ABLIM2: variants seen among roughly 807,000 people sequenced by gnomAD.
ABLIM2 encodes the protein actin-binding LIM protein 2.
Under a neutral mutation model 97.7 loss-of-function variants are expected in ABLIM2, and 53 were observed. That is an observed-to-expected ratio of 0.54 (90% CI 0.44 to 0.68). ABLIM2 has a LOEUF of 0.68. ABLIM2 is among the 30% of genes least tolerant of loss of function. The probability of loss-of-function intolerance (pLI) is 0.00; values close to 1 mark genes in which losing one functional copy is unlikely to be tolerated. For missense variants in ABLIM2, 835 were observed against 867.2 expected, an observed-to-expected ratio of 0.96 and a Z score of 0.47; for synonymous variants, 361 against 345.8, an observed-to-expected ratio of 1.04 and a Z score of -0.49.
chr4:8,091,458 AT>A (rs1350507261), intron 3 of ABLIM2, among the ~76,000 whole-genome samples: 4 of 58,932 alleles, frequency 6.8e-5, no homozygotes, highest in African/African-American at 1.3e-4. Flanking sequence ...ATATATAATT[AT>A]ATAATTATAT....
chr4:8,091,421 T>C lies in ABLIM2; in HGVS notation c.339-3137A>G, dbSNP rs1358557952. 1.6e-3 allele frequency among the ~76,000 whole-genome samples: 75 copies of C among 47,448 alleles called. 4 individuals are homozygous for C. Among genetic ancestry groups the C allele is most frequent in the African/African-American group, 5.0e-3 (71 of 14,072 alleles). The allele number at this position is 47,448 out of a possible 152,430, so 31.1% of individuals were successfully genotyped here. A position where few individuals can be genotyped will look rare whatever the true frequency, so the allele number is the denominator to read the frequency against. On this transcript the variant is annotated intron_variant, in intron 3 of 20. Coordinates refer to ENST00000447017, the MANE Select transcript of ABLIM2 (RefSeq NM_001130083.2). ...ATATGTAATATATAATTATATATTATATATTATATATAATTAATTATGTAT... is the reference window on the plus strand; with the variant it reads ...ATATGTAATATATAATTATATATTACATATTATATATAATTAATTATGTAT...
intron 2 of ABLIM2, among the ~76,000 whole-genome samples, chr4:8,106,063 C>G (rs568783822): frequency 7.9e-5 from 12 of 152,272 alleles, no homozygotes; most frequent in African/African-American, 2.9e-4. Context: ...TGGTAGTGTT[C>G]GCAGTGCTAC....
intron 1 of ABLIM2, among the ~76,000 whole-genome samples, chr4:8,110,876 C>A (rs2386116): frequency 0.59 from 89,963 of 152,040 alleles, 27,223 homozygotes; most frequent in South Asian, 0.79. Context: ...CTCCAGCTGG[C>A]CCTTCCTGCC....
chr4:8,012,853 C>T (rs1315762378), intron 14 of ABLIM2, among the ~76,000 whole-genome samples: 1 of 152,138 alleles, frequency 6.6e-6, no homozygotes, highest in Middle Eastern at 3.2e-3. Context: ...ATTTCTTTGC[C>T]CACTGATGCA....
At position 8,008,148 on chromosome 4, in the gene ABLIM2, G is replaced by C. The variant is rs372474097; in HGVS notation, c.1529C>G (p.Ser510Cys). 1.2e-6 allele frequency: 2 copies of C among 1,614,054 alleles called. No individual in the cohort carries two copies. Among genetic ancestry groups the C allele is most frequent in the South Asian group, 2.2e-5 (2 of 91,084 alleles). ...LKGDADTRTNSPDLDTQSLSH... is the reference protein window; with the variant it reads ...LKGDADTRTNCPDLDTQSLSH... ...CAAGGACTGGGTGTCCAGGTCTGGA[G>C]AATTGGTCCTTGTGTCTGCATCCCC... Residue 510 changes from serine to cysteine, a missense_variant, in exon 16 of 21, where the codon TCT (serine) becomes TGT (cysteine). Transcript: ENST00000447017.
At chr4:8,041,272 T>A (rs1484189608) in intron 9 of ABLIM2, 3 of 152,212 alleles carry the variant, frequency 2.0e-5, no homozygotes, top group Non-Finnish European at 1.5e-5. Context: ...GGGAACTCCT[T>A]CCCCTACCCA....
intron 5 of ABLIM2, 90 bp downstream of exon 5, chr4:8,080,586 G>C: frequency 7.3e-7 from 1 of 1,368,936 alleles, no homozygotes; most frequent in African/African-American, 1.5e-5. Context: ...CACAGAGAGG[G>C]TGGCGCTGGG....
intron 3 of ABLIM2, among the ~76,000 whole-genome samples, chr4:8,096,742 C>G (rs1051655744): frequency 1.3e-5 from 2 of 152,032 alleles, no homozygotes; most frequent in Non-Finnish European, 2.9e-5. Context: ...AGGCAGGGAC[C>G]ACGTAGGAAG....
At chr4:7,987,043 C>T (rs1432210886) in intron 17 of ABLIM2, among the ~76,000 whole-genome samples, 1 of 150,038 alleles carries the variant, frequency 6.7e-6, no homozygotes, top group African/African-American at 2.5e-5. Flanking sequence ...AGTGCAGTGG[C>T]ACGATCTCAG....
chr4:8,024,957 G>A (rs1578980578), intron 12 of ABLIM2, among the ~76,000 whole-genome samples: 1 of 152,088 alleles, frequency 6.6e-6, no homozygotes, highest in Non-Finnish European at 1.5e-5. Context: ...ATGTAGTCTC[G>A]CTCTGTTGCC....
At chr4:7,981,441 G>A (rs761562955) in intron 20 of ABLIM2, among the ~76,000 whole-genome samples, 24 of 152,072 alleles carry the variant, frequency 1.6e-4, no homozygotes, top group Admixed American at 2.6e-4. Context: ...TCTATCTTCC[G>A]GAAACATATA....
Position 8,044,851 on chromosome 4 carries a change from G to C in ABLIM2, c.900+313C>G, listed in dbSNP as rs13115927. Among the ~76,000 whole-genome samples, 45,373 of 152,092 alleles carry C rather than the reference G, an allele frequency of 0.3. 7,376 individuals carry two copies. The highest frequency in any genetic ancestry group is 0.41 in the African/African-American group (17,148 of 41,456). On this transcript the variant is annotated intron_variant, in intron 9 of 20. Coordinates refer to ENST00000447017, the MANE Select transcript of ABLIM2 (RefSeq NM_001130083.2). The surrounding 1 kb of genome is among the most constrained non-coding windows in gnomAD (Gnocchi z 4.4). ...GGTGTCTGGCAAGCCCCAACTGTCG[G>C]CTGTTGATGTGACGTGTCTGCACCA...
At chr4:7,987,588 G>A (rs111385862) in intron 17 of ABLIM2, among the ~76,000 whole-genome samples, 4 of 152,254 alleles carry the variant, frequency 2.6e-5, no homozygotes, top group South Asian at 2.1e-4. Flanking sequence ...AGTGCCCATC[G>A]CTCTGCATAA....
intron 14 of ABLIM2, among the ~76,000 whole-genome samples, chr4:8,016,043 A>ATTTTTTTT (rs4006048): frequency 5.4e-5 from 6 of 111,100 alleles, no homozygotes; most frequent in Admixed American, 1.1e-4. Context: ...TTGTTGTTGT[A>ATTTTTTTT]TTTTTTTTTT....
At chr4:7,988,278 C>T (rs1746002506) in intron 17 of ABLIM2, among the ~76,000 whole-genome samples, 2 of 152,228 alleles carry the variant, frequency 1.3e-5, no homozygotes, top group African/African-American at 2.4e-5. Context: ...CCGCCTTGGC[C>T]TCCCAAAGTG....
In ABLIM2 at chr4:8,072,637, G is replaced by A. The variant is rs1197024779; in HGVS notation, c.675+4991C>T. On this transcript the variant is annotated intron_variant, in intron 6 of 20. Coordinates refer to ENST00000447017, the MANE Select transcript of ABLIM2 (RefSeq NM_001130083.2). This position sits in a 1 kb window ranked among gnomAD's most constrained non-coding sequence, Gnocchi z 5.8. The stretch of plus-strand genomic sequence containing the variant: ...AGACAAAGGGTTGGGGGAAACCTGC[G>A]CACCCCGGGCTCCAGTCTGGCTCTG... 5.9e-5 allele frequency among the ~76,000 whole-genome samples: 9 copies of A among 152,216 alleles called. No homozygotes were observed. Among genetic ancestry groups the A allele is most frequent in the African/African-American group, 9.6e-5 (4 of 41,456 alleles).
intron 20 of ABLIM2, among the ~76,000 whole-genome samples, chr4:7,978,910 G>A (rs80235495): frequency 0.063 from 9,626 of 152,280 alleles, 423 homozygotes; most frequent in Middle Eastern, 0.13. Flanking sequence ...CCCAAGAGAG[G>A]TCTTGAGGAT....
intron 8 of ABLIM2, among the ~76,000 whole-genome samples, chr4:8,047,181 A>C (rs1278401165): frequency 6.6e-6 from 1 of 152,212 alleles, no homozygotes; most frequent in Admixed American, 6.5e-5. Flanking sequence ...GCGCCTGGGC[A>C]ACCCTGAGTG....
chr4:8,084,632 C>CT (rs1323625402), intron 4 of ABLIM2, among the ~76,000 whole-genome samples: 2 of 152,238 alleles, frequency 1.3e-5, no homozygotes, highest in African/African-American at 4.8e-5. Context: ...CTGGTGGGGC[C>CT]TCCCCAGGTC....
Sources: allele counts gnomAD v4.1 joint callset (sites outside exome capture counted in the v4.1 genomes callset), GRCh38; gene constraint gnomAD v4.1.1; non-coding constraint Gnocchi (gnomAD v3.1); transcripts MANE v1.5; gene names NCBI Gene and HGNC (gene_info 2026-07-23, HGNC 2026-07-21).